CAMKMT: variants seen among roughly 807,000 people sequenced by gnomAD.
CAMKMT encodes the protein CaM KMT.
In CAMKMT, 53 loss-of-function variants were observed where a neutral mutation model predicts 48.0. The ratio of observed to expected loss-of-function variants is 1.10; its 90% CI spans 0.89 to 1.39. The LOEUF (loss-of-function observed/expected upper bound fraction) is 1.39, where lower values mean the gene tolerates loss of function less well. CAMKMT is among the 40% of genes most tolerant of loss of function. The pLI is 0.00. For missense variants in CAMKMT, 428 were observed against 402.7 expected, an observed-to-expected ratio of 1.06 and a Z score of -0.54; for synonymous variants, 165 against 152.3, an observed-to-expected ratio of 1.08 and a Z score of -0.61.
intron 3 of CAMKMT, among the ~76,000 whole-genome samples, chr2:44,512,677 GACA>G (rs2104773471): frequency 1.3e-5 from 2 of 152,322 alleles, no homozygotes; most frequent in African/African-American, 4.8e-5. Context: ...GCTGGTTAAA[GACA>G]ACATCAAAAT....
chr2:44,745,502 C>T (rs1042612063), intron 8 of CAMKMT, among the ~76,000 whole-genome samples: 2 of 152,218 alleles, frequency 1.3e-5, no homozygotes, highest in African/African-American at 2.4e-5. Flanking sequence ...TTAAGACTTA[C>T]ATTACACACA....
chr2:44,435,825 A>G (rs1300630652), intron 3 of CAMKMT, among the ~76,000 whole-genome samples: 1 of 152,232 alleles, frequency 6.6e-6, no homozygotes, highest in African/African-American at 2.4e-5. Context: ...TTTTTAGTTC[A>G]TAGTTTACCA....
intron 9 of CAMKMT, among the ~76,000 whole-genome samples, chr2:44,762,984 T>C (rs977485228): frequency 5.3e-5 from 8 of 152,252 alleles, no homozygotes; most frequent in African/African-American, 1.7e-4. Context: ...GAAATCCATA[T>C]TCCTTTTCTG....
intron 3 of CAMKMT, among the ~76,000 whole-genome samples, chr2:44,499,728 G>A (rs1272324297): frequency 6.6e-6 from 1 of 152,200 alleles, no homozygotes; most frequent in East Asian, 1.9e-4. Flanking sequence ...AGGTTCTGAA[G>A]TGTGACTGTT....
intron 3 of CAMKMT, chr2:44,392,152 A>G (rs1681404320): frequency 2.6e-5 from 4 of 152,272 alleles, no homozygotes; most frequent in Admixed American, 2.6e-4. Context: ...ATTCTGTCTT[A>G]TACTATTTTA....
At chr2:44,491,111 A>T (rs941477941) in intron 3 of CAMKMT, among the ~76,000 whole-genome samples, 1 of 148,944 alleles carries the variant, frequency 6.7e-6, no homozygotes, top group Non-Finnish European at 1.5e-5. Context: ...AGAGCACGCC[A>T]CTGCACTCCA....
intron 5 of CAMKMT, 67 bp from the exon 6 acceptor site, chr2:44,707,332 C>A: frequency 7.2e-7 from 1 of 1,392,266 alleles, no homozygotes; most frequent in Non-Finnish European, 1.0e-6. Context: ...CTTGTCACTC[C>A]TGTCTTCACT....
At chr2:44,635,814 T>G (rs890145251) in intron 3 of CAMKMT, among the ~76,000 whole-genome samples, 16 of 152,316 alleles carry the variant, frequency 1.1e-4, no homozygotes, top group African/African-American at 3.4e-4. Context: ...TAAGATACAA[T>G]ACACAAGACT....
chr2:44,606,269 C>T (rs1274337973), intron 3 of CAMKMT, among the ~76,000 whole-genome samples: 1 of 152,164 alleles, frequency 6.6e-6, no homozygotes. Flanking sequence ...AAGAAAACAG[C>T]TCATGAGGAA....
intron 3 of CAMKMT, among the ~76,000 whole-genome samples, chr2:44,546,391 TC>T (rs1271449889): frequency 1.3e-5 from 2 of 152,348 alleles, no homozygotes; most frequent in Admixed American, 1.3e-4. Context: ...AGGCTCAGCC[TC>T]ATTCTGCCAC....
chr2:44,555,785 A>T (rs1238972887), intron 3 of CAMKMT, among the ~76,000 whole-genome samples: 1 of 152,218 alleles, frequency 6.6e-6, no homozygotes, highest in Non-Finnish European at 1.5e-5. Context: ...CATAGAAACC[A>T]AGGGAGGAGA....
chr2:44,559,220 G>A (rs569782589), intron 3 of CAMKMT, among the ~76,000 whole-genome samples: 2 of 152,154 alleles, frequency 1.3e-5, no homozygotes, highest in Non-Finnish European at 2.9e-5. Flanking sequence ...TGAAATGATG[G>A]TGTTGGAAGG....
chr2:44,443,134 C>T (rs1666773814), intron 3 of CAMKMT, among the ~76,000 whole-genome samples: 2 of 152,308 alleles, frequency 1.3e-5, no homozygotes, highest in Middle Eastern at 3.4e-3. Context: ...ACTCATTTCA[C>T]ATCAAAATCT....
chr2:44,634,468 T>C (rs1295463798), intron 3 of CAMKMT, among the ~76,000 whole-genome samples: 1 of 152,038 alleles, frequency 6.6e-6, no homozygotes, highest in African/African-American at 2.4e-5. Context: ...TAGTACCAGC[T>C]TTCAGTCATC....
At chr2:44,442,717 C>G (rs772495692) in intron 3 of CAMKMT, among the ~76,000 whole-genome samples, 2 of 152,184 alleles carry the variant, frequency 1.3e-5, no homozygotes, top group Non-Finnish European at 2.9e-5. Flanking sequence ...GTGGTTCTAT[C>G]CCTTGTGCTC....
At chr2:44,528,236 C>G (rs1213197792) in intron 3 of CAMKMT, among the ~76,000 whole-genome samples, 1 of 151,922 alleles carries the variant, frequency 6.6e-6, no homozygotes, top group Admixed American at 6.6e-5. Context: ...CATTTCCTAA[C>G]TTAGAATGAG....
chr2:44,405,009 A>G (rs533288299), intron 3 of CAMKMT, among the ~76,000 whole-genome samples: 1 of 152,262 alleles, frequency 6.6e-6, no homozygotes, highest in Non-Finnish European at 1.5e-5. Context: ...CGTTGTGTTT[A>G]AATTTCTTAG....
chr2:44,624,613 T>A (rs1037511857), intron 3 of CAMKMT, among the ~76,000 whole-genome samples: 1 of 152,190 alleles, frequency 6.6e-6, no homozygotes, highest in Non-Finnish European at 1.5e-5. Flanking sequence ...TTGCTGAGAA[T>A]GATGGTTTCC....
At chr2:44,610,478 A>T (rs1002357309) in intron 3 of CAMKMT, among the ~76,000 whole-genome samples, 1 of 152,158 alleles carries the variant, frequency 6.6e-6, no homozygotes, top group Non-Finnish European at 1.5e-5. Context: ...CAAAACCTCT[A>T]AGTTTCCTCC....
Sources: gnomAD v4.1 joint callset for allele counts (sites outside exome capture counted in the v4.1 genomes callset) on GRCh38, gnomAD v4.1.1 for gene constraint, MANE v1.5 for transcripts, NCBI Gene and HGNC (gene_info 2026-07-23, HGNC 2026-07-21) for gene names.